Variants in PDE10A observed in about 807,000 individuals in gnomAD.
PDE10A encodes phosphodiesterase 10A.
Under a neutral mutation model 97.7 loss-of-function variants are expected in PDE10A, and 39 were observed. The observed-to-expected ratio is 0.40, with a 90% CI of 0.31 to 0.52. The LOEUF is 0.52. Ranked by LOEUF, PDE10A falls within the 20% of genes least tolerant of loss-of-function variation. The pLI, the probability that PDE10A is intolerant of heterozygous loss-of-function variation, is 0.56. For missense variants in PDE10A, 731 were observed against 1,047.8 expected (o/e 0.70, Z 4.17); for synonymous variants, 371 against 376.8 (o/e 0.98, Z 0.18).
At chr6:165,409,437 C>CG (rs1787534151) in intron 13 of PDE10A, 2 of 152,446 alleles carry the variant, frequency 1.3e-5, no homozygotes, top group South Asian at 2.1e-4. Flanking sequence ...ATCCCAGCTA[C>CG]TGGGGAGCCT....
At chr6:165,414,180 A>G (rs1049459994) in intron 12 of PDE10A, among the ~76,000 whole-genome samples, 7 of 152,220 alleles carry the variant, frequency 4.6e-5, no homozygotes, top group African/African-American at 1.7e-4. Context: ...GTTTATAAGT[A>G]AAGTTGTATT....
chr6:165,530,364 AC>A (rs1782702029), intron 2 of PDE10A, among the ~76,000 whole-genome samples: 1 of 152,018 alleles, frequency 6.6e-6, no homozygotes, highest in South Asian at 2.1e-4. Context: ...AAAGTGGGAG[AC>A]AATATTTGCA....
At chr6:165,927,431 A>G (rs1030352965) in intron 1 of PDE10A, among the ~76,000 whole-genome samples, 3 of 151,988 alleles carry the variant, frequency 2.0e-5, no homozygotes, top group Non-Finnish European at 4.4e-5. Flanking sequence ...ATCACAATAC[A>G]GTAAGATTTT....
rs151282577 is a variant in PDE10A, at chr6:165,444,589, G to T, written c.1194+4339C>A. Among the ~76,000 whole-genome samples, 125 of 151,526 alleles carry T rather than the reference G, an allele frequency of 8.2e-4. 1 individual carries two copies. The highest frequency in any genetic ancestry group is 2.9e-3 in the African/African-American group (119 of 41,348). ...CTAAGTTTTTTTTCTTTTAACAGTT[G>T]GATCTTCTTTACAAGTAATTTTGTT... On this transcript the variant is annotated intron_variant, in intron 5 of 21. Transcript: ENST00000539869.
intron 2 of PDE10A, among the ~76,000 whole-genome samples, chr6:165,500,887 C>T (rs1305539300): frequency 2.0e-5 from 3 of 152,104 alleles, no homozygotes; most frequent in Non-Finnish European, 1.5e-5. Context: ...CAATACTGCT[C>T]TTTACGGCAC....
At chr6:165,817,376 A>G (rs1779447595) in intron 1 of PDE10A, among the ~76,000 whole-genome samples, 1 of 152,106 alleles carries the variant, frequency 6.6e-6, no homozygotes, top group African/African-American at 2.4e-5. Flanking sequence ...GGAGGGCCGC[A>G]GGGTCGGGGA....
chr6:165,588,610 C>T (rs1246457366), intron 1 of PDE10A, among the ~76,000 whole-genome samples: 2 of 152,088 alleles, frequency 1.3e-5, no homozygotes, highest in East Asian at 1.9e-4. Flanking sequence ...TATGATTTTA[C>T]TTTGTCCCCT....
chr6:165,749,869 C>T (rs186322540), intron 1 of PDE10A, among the ~76,000 whole-genome samples: 335 of 152,308 alleles, frequency 2.2e-3, no homozygotes, highest in Middle Eastern at 0.01. Context: ...TATTTATTAG[C>T]CACTCACAGT....
At chr6:165,776,958 A>T (rs567425684) in intron 1 of PDE10A, among the ~76,000 whole-genome samples, 35 of 152,292 alleles carry the variant, frequency 2.3e-4, no homozygotes, top group African/African-American at 7.0e-4. Flanking sequence ...CGTGCAACAA[A>T]ATTACACATG....
intron 1 of PDE10A, among the ~76,000 whole-genome samples, chr6:165,905,834 A>C (rs1462386603): frequency 6.6e-6 from 1 of 152,142 alleles, no homozygotes; most frequent in East Asian, 1.9e-4. Context: ...TCAGGTTTAA[A>C]AACAAAGCAG....
intron 1 of PDE10A, among the ~76,000 whole-genome samples, chr6:165,982,921 ACAC>A (rs1190614639): frequency 6.6e-6 from 1 of 152,240 alleles, no homozygotes; most frequent in Non-Finnish European, 1.5e-5. Flanking sequence ...GTCCATTTGC[ACAC>A]CAATTTTCTT....
intron 5 of PDE10A, among the ~76,000 whole-genome samples, chr6:165,442,356 A>G (rs989438276): frequency 2.6e-5 from 4 of 151,044 alleles, no homozygotes; most frequent in Non-Finnish European, 5.9e-5. Context: ...ATGTGTCCTC[A>G]TTGTTCAGTT....
chr6:165,418,993 T>A lies in PDE10A; in HGVS notation c.1654-216A>T, dbSNP rs967595655. ...CTAATACTAACAGATCCCAACAGAA[T>A]ACACAGCGGATATGCATCCATACTG... On this transcript the variant is annotated intron_variant, in intron 10 of 21. Transcript: ENST00000539869. This position sits in a 1 kb window ranked among gnomAD's most constrained non-coding sequence, Gnocchi z 4.8. 2.0e-5 allele frequency among the ~76,000 whole-genome samples: 3 copies of A among 152,222 alleles called. No homozygotes were observed. The highest frequency in any genetic ancestry group is 7.2e-5 in the African/African-American group (3 of 41,468).
At chr6:165,588,511 G>A (rs367982397) in intron 1 of PDE10A, among the ~76,000 whole-genome samples, 29 of 151,920 alleles carry the variant, frequency 1.9e-4, no homozygotes, top group African/African-American at 4.1e-4. Flanking sequence ...GGCTGGTCTC[G>A]AACTCCCGAC....
In PDE10A at chr6:165,336,566, G is replaced by A. The variant is rs573567261; in HGVS notation, c.2977-355C>T. On this transcript the variant is annotated intron_variant, in intron 20 of 21. Transcript: ENST00000539869. Reference sequence around the variant, plus strand: ...AGATCGAGACCATCCTGGCTAACAAGGTGAAACCCCGTCTCTACTAAAAAT... The same window carrying A: ...AGATCGAGACCATCCTGGCTAACAAAGTGAAACCCCGTCTCTACTAAAAAT... 2.0e-5 allele frequency among the ~76,000 whole-genome samples: 3 copies of A among 151,852 alleles called. No homozygotes were observed. The East Asian group carries it at 5.9e-4, about 30-fold the overall frequency.
At chr6:165,910,280 A>G (rs1459248611) in intron 1 of PDE10A, among the ~76,000 whole-genome samples, 1 of 152,234 alleles carries the variant, frequency 6.6e-6, no homozygotes, top group Non-Finnish European at 1.5e-5. Flanking sequence ...AAGGTAGACA[A>G]GATGGCCAGA....
chr6:165,338,790 A>C (rs2128177361), intron 20 of PDE10A, among the ~76,000 whole-genome samples: 1 of 152,320 alleles, frequency 6.6e-6, no homozygotes, highest in Non-Finnish European at 1.5e-5. Flanking sequence ...GTCGTGGCCA[A>C]GGTAGTATGA....
chr6:165,557,601 G>A (rs1045700958), intron 1 of PDE10A, among the ~76,000 whole-genome samples: 19 of 151,078 alleles, frequency 1.3e-4, no homozygotes, highest in African/African-American at 4.7e-4. Flanking sequence ...AGAATATATA[G>A]GTTTTCTACA....
chr6:165,973,428 T>TA (rs199580810), intron 1 of PDE10A, among the ~76,000 whole-genome samples: 12,025 of 144,720 alleles, frequency 0.083, 632 homozygotes, highest in South Asian at 0.13. Context: ...AAAAAAAAAA[T>TA]AAAATAAAAA....
Sources: allele counts gnomAD v4.1 joint callset (sites outside exome capture counted in the v4.1 genomes callset), GRCh38; gene constraint gnomAD v4.1.1; non-coding constraint Gnocchi (gnomAD v3.1); transcripts MANE v1.5; gene names NCBI Gene and HGNC (gene_info 2026-07-23, HGNC 2026-07-21).